Variants in PHLPP2 observed in about 807,000 individuals in gnomAD.
PHLPP2 encodes PH domain and leucine rich repeat protein phosphatase 2.
PHLPP2 carries 66 observed loss-of-function variants against 124.9 expected under a neutral mutation model. The ratio of observed to expected loss-of-function variants is 0.53; its 90% confidence interval spans 0.43 to 0.65. PHLPP2 has a LOEUF of 0.65. Among genes scored for constraint, PHLPP2 ranks in the 30% least tolerant of loss-of-function variants. The probability of loss-of-function intolerance (pLI) is 0.00; values close to 1 mark genes in which losing one functional copy is unlikely to be tolerated. For missense variants in PHLPP2, 1,685 were observed against 1,600.4 expected, an observed-to-expected ratio of 1.05 and a Z score of -0.90; for synonymous variants, 681 against 624.7, an observed-to-expected ratio of 1.09 and a Z score of -1.34.
At chr16:71,671,556 T>A (rs912668572) in intron 10 of PHLPP2, among the ~76,000 whole-genome samples, 1 of 151,914 alleles carries the variant, frequency 6.6e-6, no homozygotes, top group African/African-American at 2.4e-5. Context: ...ATATAATTAA[T>A]GTCCCTTCAA....
intron 1 of PHLPP2, among the ~76,000 whole-genome samples, chr16:71,719,988 T>TTTTTTTTTTTTTTTTTTTTTTG (rs869036837): frequency 1.4e-5 from 2 of 139,056 alleles, no homozygotes; most frequent in African/African-American, 2.6e-5. Context: ...TTTTTTTTTT[T>TTTTTTTTTTTTTTTTTTTTTTG]GAGACGGAGT....
At chr16:71,706,346 T>C (rs543938342) in intron 2 of PHLPP2, among the ~76,000 whole-genome samples, 2 of 152,370 alleles carry the variant, frequency 1.3e-5, no homozygotes, top group African/African-American at 4.8e-5. Flanking sequence ...TTAGTTATTC[T>C]AAGCAGTCCC....
chr16:71,718,091 C>T (rs2145388151), intron 1 of PHLPP2, among the ~76,000 whole-genome samples: 1 of 152,098 alleles, frequency 6.6e-6, no homozygotes, highest in East Asian at 1.9e-4. Context: ...TGGAGTCTTG[C>T]TATGTTGCCC....
At chr16:71,671,858 G>A (rs555836946) in intron 10 of PHLPP2, among the ~76,000 whole-genome samples, 1 of 151,812 alleles carries the variant, frequency 6.6e-6, no homozygotes, top group Non-Finnish European at 1.5e-5. Flanking sequence ...AGCTTGCAGC[G>A]AGCCGAGATC....
chr16:71,693,722 C>G (rs991415818), intron 3 of PHLPP2, among the ~76,000 whole-genome samples: 3 of 152,156 alleles, frequency 2.0e-5, no homozygotes, highest in Non-Finnish European at 2.9e-5. Flanking sequence ...TTTTAATCTC[C>G]CACGGCTGCC....
At chr16:71,689,441 G>A (rs1358467770) in intron 4 of PHLPP2, among the ~76,000 whole-genome samples, 2 of 144,814 alleles carry the variant, frequency 1.4e-5, no homozygotes, top group East Asian at 4.1e-4. Flanking sequence ...CTCCCAGGCT[G>A]GGGTGCAATG....
chr16:71,710,454 C>A (rs1377583929), intron 2 of PHLPP2, among the ~76,000 whole-genome samples: 1 of 152,182 alleles, frequency 6.6e-6, no homozygotes, highest in African/African-American at 2.4e-5. Flanking sequence ...AATCCCATTT[C>A]CAGGACCTAG....
intron 16 of PHLPP2, among the ~76,000 whole-genome samples, chr16:71,656,098 A>G (rs928968202): frequency 1.3e-5 from 2 of 152,134 alleles, no homozygotes; most frequent in Non-Finnish European, 2.9e-5. Context: ...TACCCCTTAT[A>G]GCAAATGAGA....
intron 3 of PHLPP2, 148 bp downstream of exon 3, chr16:71,702,447 TTTG>T (rs1181998409): frequency 5.7e-6 from 3 of 529,840 alleles, no homozygotes; most frequent in Admixed American, 6.3e-5. Context: ...CCTCTTGGCT[TTTG>T]TTGTTGTTTG....
chr16:71,656,391 T>G (rs984493647), intron 16 of PHLPP2, among the ~76,000 whole-genome samples, 180 bp downstream of exon 16: 4 of 152,198 alleles, frequency 2.6e-5, no homozygotes, highest in Non-Finnish European at 5.9e-5. Context: ...TACACATTAG[T>G]ATTGTTTTTG....
At chr16:71,650,564 TTACCTATGC>T in intron 18 of PHLPP2, among the ~76,000 whole-genome samples, 1 of 152,210 alleles carries the variant, frequency 6.6e-6, no homozygotes, top group East Asian at 1.9e-4. Flanking sequence ...GCAGCATAAT[TTACCTATGC>T]TCTGGGGACT....
chr16:71,676,416 G>GA lies in PHLPP2; in HGVS notation c.1471+30dup, dbSNP rs1430539275. 3.2e-6 allele frequency: 5 copies of GA among 1,584,602 alleles called. No homozygotes were observed. The African/African-American group carries it at 4.0e-5, about 13-fold the overall frequency. On this transcript the variant is annotated intron_variant, in intron 9 of 18. Transcript: ENST00000568954. The stretch of plus-strand genomic sequence containing the variant: ...GAAAGCACTGACAACAGCTGAAAGA[G>GA]AAAAAACAAAAGGCTGCAGAGAAAA...
At chr16:71,685,889 T>C (rs763618898) in intron 4 of PHLPP2, among the ~76,000 whole-genome samples, 13 of 152,252 alleles carry the variant, frequency 8.5e-5, no homozygotes, top group Non-Finnish European at 1.3e-4. Context: ...TATATATAAC[T>C]TTGGAATTAT....
intron 2 of PHLPP2, among the ~76,000 whole-genome samples, chr16:71,703,672 T>C (rs982202666): frequency 6.6e-6 from 1 of 152,228 alleles, no homozygotes; most frequent in African/African-American, 2.4e-5. Flanking sequence ...GTCTTAGTCC[T>C]GCCACTTACC....
At chr16:71,706,269 C>CTATGT (rs200161277) in intron 2 of PHLPP2, among the ~76,000 whole-genome samples, 16,872 of 152,196 alleles carry the variant, frequency 0.11, 1,346 homozygotes, top group South Asian at 0.39. Context: ...TCCAAACCAG[C>CTATGT]CAACGGACAT....
intron 2 of PHLPP2, among the ~76,000 whole-genome samples, chr16:71,707,781 TA>T (rs1036933138): frequency 2.0e-5 from 3 of 152,168 alleles, no homozygotes; most frequent in African/African-American, 7.2e-5. Context: ...ACTGTAATTG[TA>T]AGTATAGCAC....
At chr16:71,691,216 G>A (rs563700561) in intron 3 of PHLPP2, among the ~76,000 whole-genome samples, 19 of 152,138 alleles carry the variant, frequency 1.2e-4, no homozygotes, top group South Asian at 2.1e-4. Context: ...CACTTTGGGG[G>A]GGCCAAGGCG....
chr16:71,653,142 C>G, intron 17 of PHLPP2, 121 bp from the exon 18 acceptor site: 1 of 640,040 alleles, frequency 1.6e-6, no homozygotes, highest in Middle Eastern at 2.6e-4. Context: ...GTGAACCAGC[C>G]TTACCCTTAT....
In PHLPP2 at chr16:71,679,452, G is replaced by C. The variant is rs376190649; in HGVS notation, c.974C>G (p.Thr325Ser). Residue 325 changes from threonine to serine, a missense_variant, in exon 7 of 19, where the codon ACT (threonine) becomes AGT (serine). By Grantham distance (58) the Thr-to-Ser change is moderately conservative (BLOSUM62 1). Transcript: ENST00000568954. ...PILLCEISTL[T>S]ELNLSCNGFH... The stretch of plus-strand genomic sequence containing the variant: ...TCCATTACAGGAAAGGTTGAGCTCA[G>C]TCAGGGTAGAGATCTCGCATAACAA... The C allele has an allele frequency of 1.9e-6, 3 of 1,613,636 alleles. 1 individual carries two copies. Among genetic ancestry groups the C allele is most frequent in the South Asian group, 2.2e-5 (2 of 91,070 alleles).
Sources: allele counts gnomAD v4.1 joint callset (sites outside exome capture counted in the v4.1 genomes callset), GRCh38; gene constraint gnomAD v4.1.1; transcripts MANE v1.5; gene names NCBI Gene and HGNC (gene_info 2026-07-23, HGNC 2026-07-21).